The following ADK variants were observed in gnomAD, a reference collection of about 807,000 sequenced individuals.
ADK encodes N6,N6-dimethyladenosine kinase.
ADK carries 24 observed loss-of-function variants against 44.7 expected under a neutral mutation model. The ratio of observed to expected loss-of-function variants is 0.54; its 90% CI spans 0.39 to 0.76. The LOEUF is 0.76. Among genes scored for constraint, ADK ranks in the 30% least tolerant of loss-of-function variants. The pLI, the probability that ADK is intolerant of heterozygous loss-of-function variation, is 0.00. For synonymous variants in ADK, 128 were observed against 142.6 expected (o/e 0.90, Z 0.73); for missense variants, 321 against 425.1 (o/e 0.76, Z 2.15).
intron 7 of ADK, among the ~76,000 whole-genome samples, chr10:74,545,071 A>T (rs1356097321): frequency 6.6e-6 from 1 of 152,026 alleles, no homozygotes; most frequent in African/African-American, 2.4e-5. Context: ...TTCCATACTT[A>T]TGTCTGTGTT....
chr10:74,652,068 G>A (rs1351010054), intron 9 of ADK, among the ~76,000 whole-genome samples: 3 of 139,302 alleles, frequency 2.2e-5, no homozygotes, highest in African/African-American at 5.5e-5. Flanking sequence ...TTTTTTTTGA[G>A]ACAGAGTATA....
intron 1 of ADK, among the ~76,000 whole-genome samples, chr10:74,192,572 C>G (rs529693042): frequency 4.0e-5 from 6 of 150,854 alleles, no homozygotes; most frequent in East Asian, 3.9e-4. Flanking sequence ...CTCTCTGTCA[C>G]TCAGGCCAGA....
At chr10:74,460,241 CTTG>C (rs1846122580) in intron 6 of ADK, among the ~76,000 whole-genome samples, 2 of 152,100 alleles carry the variant, frequency 1.3e-5, no homozygotes, top group Admixed American at 1.3e-4. Flanking sequence ...ACAAAAACTT[CTTG>C]TTGTGATTTC....
chr10:74,451,067 C>CTTTTTTTTTTTTTTTTTTTT (rs35120068), intron 6 of ADK, among the ~76,000 whole-genome samples: 7 of 72,162 alleles, frequency 9.7e-5, no homozygotes, highest in African/African-American at 3.6e-4. Context: ...GCTCTGCTGC[C>CTTTTTTTTTTTTTTTTTTTT]TTTTTTTTTT....
At chr10:74,564,024 C>A (rs1850555531) in intron 7 of ADK, among the ~76,000 whole-genome samples, 1 of 151,920 alleles carries the variant, frequency 6.6e-6, no homozygotes, top group Non-Finnish European at 1.5e-5. Flanking sequence ...GGTATATCTC[C>A]CAATGCTATC....
intron 6 of ADK, among the ~76,000 whole-genome samples, chr10:74,422,527 G>GT (rs912430095): frequency 2.0e-5 from 3 of 152,210 alleles, no homozygotes; most frequent in African/African-American, 7.2e-5. Flanking sequence ...CCACAGTAAT[G>GT]TAAGATGCTA....
At chr10:74,244,755 T>C (rs1185770857) in intron 3 of ADK, among the ~76,000 whole-genome samples, 1 of 152,186 alleles carries the variant, frequency 6.6e-6, no homozygotes, top group Non-Finnish European at 1.5e-5. Flanking sequence ...AAACTTAGGC[T>C]TGAATTCACT....
At chr10:74,532,475 CAAAA>C (rs34947578) in intron 7 of ADK, among the ~76,000 whole-genome samples, 2 of 125,102 alleles carry the variant, frequency 1.6e-5, no homozygotes, top group African/African-American at 6.2e-5. Flanking sequence ...GAAACTGTGT[CAAAA>C]AAAAAAAAAA....
intron 6 of ADK, among the ~76,000 whole-genome samples, chr10:74,473,193 G>C (rs201037029): frequency 6.7e-6 from 1 of 149,646 alleles, no homozygotes; most frequent in East Asian, 2.0e-4. Context: ...TATACACACA[G>C]ACACACACAC....
chr10:74,170,936 A>C (rs941534811), intron 1 of ADK, among the ~76,000 whole-genome samples: 6 of 152,126 alleles, frequency 3.9e-5, no homozygotes, highest in African/African-American at 1.4e-4. Context: ...TACTTTCCAG[A>C]GATAACTAAT....
At chr10:74,549,251 A>G (rs566771744) in intron 7 of ADK, among the ~76,000 whole-genome samples, 24 of 152,312 alleles carry the variant, frequency 1.6e-4, no homozygotes, top group African/African-American at 5.3e-4. Context: ...AAAGAACCTG[A>G]TCAAGATAAA....
chr10:74,207,694 G>C (rs931022691), intron 2 of ADK, among the ~76,000 whole-genome samples: 1 of 152,182 alleles, frequency 6.6e-6, no homozygotes, highest in African/African-American at 2.4e-5. Flanking sequence ...AGTGTGTGCT[G>C]ATTGGTCCAT....
At chr10:74,506,422 C>G (rs1270985793) in intron 6 of ADK, 2 of 182,646 alleles carry the variant, frequency 1.1e-5, no homozygotes, top group African/African-American at 4.8e-5. Flanking sequence ...TCATATGGGT[C>G]CCATGGTGAT....
intron 1 of ADK, among the ~76,000 whole-genome samples, chr10:74,182,148 A>T (rs931847374): frequency 6.6e-6 from 1 of 152,128 alleles, no homozygotes; most frequent in Non-Finnish European, 1.5e-5. Flanking sequence ...TAAGATTGAA[A>T]CTGTCTTTGT....
At chr10:74,525,039 A>C (rs1459924948) in intron 6 of ADK, among the ~76,000 whole-genome samples, 2 of 152,196 alleles carry the variant, frequency 1.3e-5, no homozygotes, top group Admixed American at 6.5e-5. Flanking sequence ...CCTAGTATGA[A>C]ATAAGTAATG....
In ADK at chr10:74,625,864, A is replaced by G. The variant is rs146862891; in HGVS notation, c.877+25371A>G. Among the ~76,000 whole-genome samples, 473 of 152,308 alleles carry G rather than the reference A, an allele frequency of 3.1e-3. 1 individual carries two copies. Among genetic ancestry groups the G allele is most frequent in the African/African-American group, 0.011 (451 of 41,572 alleles). On this transcript the variant is annotated intron_variant, in intron 9 of 10. Coordinates refer to ENST00000539909, the MANE Select transcript of ADK (RefSeq NM_006721.4). ...TTATACTATAGTGTTTGCTAAAAGA[A>G]TTACCACTAGATGGGATTTTATTAA...
chr10:74,416,154 C>T (rs533740681), intron 6 of ADK, among the ~76,000 whole-genome samples: 3 of 151,082 alleles, frequency 2.0e-5, no homozygotes, highest in Admixed American at 6.6e-5. Flanking sequence ...TGACATGGTA[C>T]GTGAAGCTTA....
At chr10:74,377,502 A>C (rs1409451846) in intron 4 of ADK, among the ~76,000 whole-genome samples, 1 of 152,226 alleles carries the variant, frequency 6.6e-6, no homozygotes, top group Admixed American at 6.5e-5. Flanking sequence ...CTTAACATTA[A>C]AAATGTGGTA....
chr10:74,380,442 G>A (rs1842944008), intron 4 of ADK, among the ~76,000 whole-genome samples: 1 of 152,064 alleles, frequency 6.6e-6, no homozygotes, highest in African/African-American at 2.4e-5. Flanking sequence ...TTGTAAGGTG[G>A]TTGTTTTTCT....
Sources: allele counts gnomAD v4.1 joint callset (sites outside exome capture counted in the v4.1 genomes callset), GRCh38; gene constraint gnomAD v4.1.1; transcripts MANE v1.5; gene names NCBI Gene and HGNC (gene_info 2026-07-23, HGNC 2026-07-21).